Variants in CCSER1 observed in about 807,000 individuals in gnomAD.
CCSER1 encodes the protein serine-rich coiled-coil domain-containing protein 1.
CCSER1 carries 41 observed loss-of-function variants against 82.0 expected under a neutral mutation model. The ratio of observed to expected loss-of-function variants is 0.50; its 90% CI spans 0.39 to 0.65. The LOEUF (loss-of-function observed/expected upper bound fraction) is 0.65, where lower values mean the gene tolerates loss of function less well. CCSER1 is among the 30% of genes least tolerant of loss of function. The pLI, the probability that CCSER1 is intolerant of heterozygous loss-of-function variation, is 0.00. For missense variants in CCSER1, 1,119 were observed against 1,064.2 expected (o/e 1.05, Z -0.72); for synonymous variants, 414 against 383.9 (o/e 1.08, Z -0.92).
chr4:91,333,743 G>A (rs1528571), intron 10 of CCSER1, among the ~76,000 whole-genome samples: 9,756 of 152,008 alleles, frequency 0.064, 407 homozygotes, highest in South Asian at 0.11. Context: ...CCTGTTAAAT[G>A]TATTTATAGT....
At chr4:90,669,744 G>T (rs1000844900) in intron 6 of CCSER1, among the ~76,000 whole-genome samples, 1 of 152,010 alleles carries the variant, frequency 6.6e-6, no homozygotes, top group Non-Finnish European at 1.5e-5. Flanking sequence ...AGAAAAAAAT[G>T]TGAAGGAGAG....
At position 90,734,134 on chromosome 4, in the gene CCSER1, T is replaced by A. The variant is rs147398212; in HGVS notation, c.2010+10143T>A. Among the ~76,000 whole-genome samples, 99 of 152,006 alleles carry A rather than the reference T, an allele frequency of 6.5e-4. 1 individual carries two copies. The East Asian group carries it at 0.012, about 18-fold the overall frequency. On this transcript the variant is annotated intron_variant, in intron 7 of 10. Transcript: ENST00000509176. ...ATTAATTTAATTTAATTAATTAATT[T>A]ATTTATTTTGAGATGGAATCTCGCT...
chr4:90,271,863 T>TATATATGTATA (rs61116868), intron 1 of CCSER1, among the ~76,000 whole-genome samples: 1 of 19,794 alleles, frequency 5.1e-5, no homozygotes, highest in African/African-American at 3.1e-4. Flanking sequence ...TATATATATA[T>TATATATGTATA]TTTTTTTTTT....
At chr4:91,377,192 T>C (rs1289687543) in intron 10 of CCSER1, among the ~76,000 whole-genome samples, 2 of 152,154 alleles carry the variant, frequency 1.3e-5, no homozygotes, top group African/African-American at 4.8e-5. Flanking sequence ...CTATTGTGAA[T>C]AGTGCCGCAA....
Position 90,368,671 on chromosome 4 carries a change from A to G in CCSER1, c.1510-31365A>G, listed in dbSNP as rs137881007. ...GTCTTTACTCAAATGTCATCTCTCAATTAGGCCATTCCTGATCATCATATA... is the reference window on the plus strand; with the variant it reads ...GTCTTTACTCAAATGTCATCTCTCAGTTAGGCCATTCCTGATCATCATATA... On this transcript the variant is annotated intron_variant, in intron 3 of 10. Coordinates refer to ENST00000509176, the MANE Select transcript of CCSER1 (RefSeq NM_001145065.2). Among the ~76,000 whole-genome samples, 34 of 151,850 alleles carry G rather than the reference A, an allele frequency of 2.2e-4. 1 individual carries two copies. The East Asian group carries it at 5.8e-3, about 26-fold the overall frequency.
At chr4:90,607,094 T>C (rs1328989574) in intron 5 of CCSER1, among the ~76,000 whole-genome samples, 1 of 152,196 alleles carries the variant, frequency 6.6e-6, no homozygotes, top group East Asian at 1.9e-4. Context: ...ATTTTACATA[T>C]GGTTTTAGTT....
At chr4:90,983,998 C>T (rs771470172) in intron 9 of CCSER1, among the ~76,000 whole-genome samples, 1 of 151,738 alleles carries the variant, frequency 6.6e-6, no homozygotes, top group African/African-American at 2.4e-5. Flanking sequence ...TTGAAGTAAA[C>T]ATTATGATAC....
At chr4:90,751,392 T>C (rs1748640072) in intron 7 of CCSER1, among the ~76,000 whole-genome samples, 1 of 152,112 alleles carries the variant, frequency 6.6e-6, no homozygotes, top group Non-Finnish European at 1.5e-5. Flanking sequence ...AGTATCTTTG[T>C]TCTTATTCAG....
chr4:90,661,033 C>T (rs187157171), intron 6 of CCSER1, among the ~76,000 whole-genome samples: 118 of 152,268 alleles, frequency 7.7e-4, no homozygotes, highest in Non-Finnish European at 1.3e-3. Context: ...CAGTGTTTCT[C>T]ATGGTGCTTG....
chr4:91,378,777 C>T (rs1750639459), intron 10 of CCSER1, among the ~76,000 whole-genome samples: 1 of 152,186 alleles, frequency 6.6e-6, no homozygotes, highest in South Asian at 2.1e-4. Context: ...GCCAGAACTT[C>T]CAACCCTATG....
At chr4:90,863,090 T>G (rs1489905970) in intron 8 of CCSER1, among the ~76,000 whole-genome samples, 7 of 147,840 alleles carry the variant, frequency 4.7e-5, no homozygotes, top group Non-Finnish European at 9.0e-5. Flanking sequence ...CCCTCCCCGC[T>G]CCCCCCACCC....
chr4:91,573,090 T>A (rs550542855), intron 10 of CCSER1, among the ~76,000 whole-genome samples: 1 of 152,318 alleles, frequency 6.6e-6, no homozygotes, highest in East Asian at 1.9e-4. Context: ...GAGAACCCTC[T>A]TAAAGTGGCA....
intron 9 of CCSER1, among the ~76,000 whole-genome samples, chr4:91,076,934 G>A (rs1722059714): frequency 6.6e-6 from 1 of 152,110 alleles, no homozygotes; most frequent in South Asian, 2.1e-4. Context: ...GAATTTGTGG[G>A]GCAGATTACC....
chr4:91,151,211 T>C (rs1182878435), intron 10 of CCSER1, among the ~76,000 whole-genome samples: 1 of 152,170 alleles, frequency 6.6e-6, no homozygotes. Flanking sequence ...GGTGCATTTG[T>C]CGAGGAATTT....
intron 10 of CCSER1, among the ~76,000 whole-genome samples, chr4:91,282,882 A>G (rs1743023213): frequency 6.6e-6 from 1 of 152,124 alleles, no homozygotes; most frequent in Non-Finnish European, 1.5e-5. Flanking sequence ...ACTTAATCCT[A>G]AAAAGAATTT....
At chr4:91,501,607 A>G (rs1038108752) in intron 10 of CCSER1, among the ~76,000 whole-genome samples, 10 of 152,064 alleles carry the variant, frequency 6.6e-5, no homozygotes, top group African/African-American at 2.4e-4. Context: ...CTCCTTGCAT[A>G]AAAATTGTAG....
chr4:90,283,089 C>G (rs929781243), intron 1 of CCSER1, among the ~76,000 whole-genome samples: 2 of 151,940 alleles, frequency 1.3e-5, no homozygotes, highest in African/African-American at 4.8e-5. Flanking sequence ...CAATCTACTA[C>G]ATGAAACAGA....
intron 3 of CCSER1, among the ~76,000 whole-genome samples, chr4:90,359,736 C>CA (rs1008471542): frequency 6.2e-5 from 9 of 145,650 alleles, no homozygotes; most frequent in South Asian, 2.3e-4. Context: ...GACTCCATCT[C>CA]AAAAAAAATA....
chr4:91,584,209 G>A (rs1044618629), intron 10 of CCSER1, among the ~76,000 whole-genome samples: 1 of 151,370 alleles, frequency 6.6e-6, no homozygotes, highest in African/African-American at 2.4e-5. Context: ...TGAGGGTCTG[G>A]AGGCATAATT....
Sources: gnomAD v4.1 joint callset for allele counts (sites outside exome capture counted in the v4.1 genomes callset) on GRCh38, gnomAD v4.1.1 for gene constraint, MANE v1.5 for transcripts, NCBI Gene and HGNC (gene_info 2026-07-23, HGNC 2026-07-21) for gene names.